The following NPAS3 variants were observed in gnomAD, a reference collection of about 807,000 sequenced individuals.
The protein encoded by NPAS3 is neuronal PAS domain protein 3.
A neutral mutation model predicts 73.1 loss-of-function variants in NPAS3; 14 were observed. The observed-to-expected ratio is 0.19, with a 90% CI of 0.13 to 0.30. The LOEUF is 0.30. Ranked by LOEUF, NPAS3 falls within the 10% of genes least tolerant of loss-of-function variation. The pLI is 1.00. For synonymous variants in NPAS3, 620 were observed against 541.5 expected, an observed-to-expected ratio of 1.14 and a Z score of -2.01; for missense variants, 1,096 against 1,250.0, an observed-to-expected ratio of 0.88 and a Z score of 1.86.
chr14:33,726,992 C>T (rs574320064), intron 6 of NPAS3, among the ~76,000 whole-genome samples: 15 of 152,228 alleles, frequency 9.9e-5, no homozygotes, highest in South Asian at 2.1e-4. Context: ...CCTCATCACA[C>T]GGTATTGTAG....
intron 3 of NPAS3, among the ~76,000 whole-genome samples, chr14:33,346,135 G>A (rs2044716800): frequency 1.3e-5 from 2 of 151,386 alleles, no homozygotes; most frequent in African/African-American, 4.9e-5. Flanking sequence ...GGAGGCAGGA[G>A]AATTGCTTGA....
At chr14:33,205,815 C>T (rs1262500982) in intron 2 of NPAS3, among the ~76,000 whole-genome samples, 3 of 152,116 alleles carry the variant, frequency 2.0e-5, no homozygotes, top group Non-Finnish European at 2.9e-5. Flanking sequence ...ACGCTTTCTC[C>T]CTTCCAAATG....
chr14:33,740,942 G>T (rs1416347459), intron 7 of NPAS3, among the ~76,000 whole-genome samples: 1 of 152,078 alleles, frequency 6.6e-6, no homozygotes, highest in African/African-American at 2.4e-5. Context: ...GGATTGCTAA[G>T]AATATGTGAC....
upstream of NPAS3, among the ~76,000 whole-genome samples, chr14:32,937,024 A>G (rs2035717841): frequency 6.6e-6 from 1 of 151,150 alleles, no homozygotes; most frequent in African/African-American, 2.4e-5. Flanking sequence ...AGAAGAGAAG[A>G]TGATAGCTGT....
chr14:33,252,039 G>T (rs2048601692), intron 3 of NPAS3, among the ~76,000 whole-genome samples: 1 of 131,646 alleles, frequency 7.6e-6, no homozygotes, highest in South Asian at 2.8e-4. Context: ...TTTCGTGGGT[G>T]TTTGCGTGTG....
intron 2 of NPAS3, among the ~76,000 whole-genome samples, chr14:33,165,030 G>T (rs2045071159): frequency 6.6e-6 from 1 of 152,084 alleles, no homozygotes; most frequent in Non-Finnish European, 1.5e-5. Context: ...TCTATGAAAG[G>T]TGTAAGAGAG....
At chr14:33,668,671 A>T (rs2059525131) in intron 5 of NPAS3, among the ~76,000 whole-genome samples, 1 of 152,126 alleles carries the variant, frequency 6.6e-6, no homozygotes, top group South Asian at 2.1e-4. Context: ...CAAAAAAATT[A>T]GCCAGGCACA....
chr14:33,322,510 GTGTGTGTA>G (rs1482756288), intron 3 of NPAS3, among the ~76,000 whole-genome samples: 1 of 144,836 alleles, frequency 6.9e-6, no homozygotes, highest in East Asian at 1.9e-4. Context: ...ACACATTTGT[GTGTGTGTA>G]TGTGTGTGTG....
intron 4 of NPAS3, among the ~76,000 whole-genome samples, chr14:33,445,248 A>G (rs185281235): frequency 1.1e-3 from 162 of 152,258 alleles, no homozygotes; most frequent in African/African-American, 3.6e-3. Context: ...ATTCTCCTTT[A>G]TGCTAATATT....
chr14:33,741,954 T>A (rs1367033978), intron 7 of NPAS3, among the ~76,000 whole-genome samples: 1 of 152,150 alleles, frequency 6.6e-6, no homozygotes, highest in Non-Finnish European at 1.5e-5. Flanking sequence ...TATGTATATG[T>A]ATGTACATAT....
intron 3 of NPAS3, among the ~76,000 whole-genome samples, chr14:33,283,670 A>G (rs2041724126): frequency 6.6e-6 from 1 of 152,188 alleles, no homozygotes; most frequent in African/African-American, 2.4e-5. Flanking sequence ...TTGGTCCATT[A>G]GAGAATTTCT....
At chr14:33,368,660 C>T (rs2045946624) in intron 4 of NPAS3, among the ~76,000 whole-genome samples, 1 of 152,166 alleles carries the variant, frequency 6.6e-6, no homozygotes, top group African/African-American at 2.4e-5. Flanking sequence ...TCTTGAAATA[C>T]ACCTTGGGAG....
intron 3 of NPAS3, among the ~76,000 whole-genome samples, chr14:33,229,218 T>A (rs2047750813): frequency 1.3e-5 from 2 of 152,222 alleles, no homozygotes; most frequent in Non-Finnish European, 2.9e-5. Flanking sequence ...CATACCATAC[T>A]TATAAACAAG....
intron 4 of NPAS3, among the ~76,000 whole-genome samples, chr14:33,396,782 ATG>A (rs1353735312): frequency 6.6e-6 from 1 of 152,100 alleles, no homozygotes; most frequent in Non-Finnish European, 1.5e-5. Flanking sequence ...TTATGTGTAT[ATG>A]TGTTATGTGA....
intron 4 of NPAS3, among the ~76,000 whole-genome samples, chr14:33,450,044 C>G (rs1322385623): frequency 6.6e-6 from 1 of 152,168 alleles, no homozygotes; most frequent in Non-Finnish European, 1.5e-5. Context: ...TCTGTAGAAA[C>G]TTACTCGGCA....
chr14:33,356,908 A>G (rs1458688997), intron 3 of NPAS3, among the ~76,000 whole-genome samples: 2 of 152,210 alleles, frequency 1.3e-5, no homozygotes, highest in African/African-American at 4.8e-5. Flanking sequence ...AATTCATTGT[A>G]TGGTGGTGAA....
intron 2 of NPAS3, among the ~76,000 whole-genome samples, chr14:33,083,032 C>T (rs1199631509): frequency 6.6e-6 from 1 of 151,568 alleles, no homozygotes; most frequent in Non-Finnish European, 1.5e-5. Flanking sequence ...AAACACAAAA[C>T]ATTAGCCAGG....
At chr14:33,618,975 T>C (rs2058003348) in intron 5 of NPAS3, among the ~76,000 whole-genome samples, 1 of 152,246 alleles carries the variant, frequency 6.6e-6, no homozygotes, top group Non-Finnish European at 1.5e-5. Context: ...ATTGGTTCTC[T>C]AGTCTGCTGG....
At chr14:33,051,272 C>T (rs1234968282) in intron 1 of NPAS3, among the ~76,000 whole-genome samples, 1 of 76,166 alleles carries the variant, frequency 1.3e-5, no homozygotes, top group Non-Finnish European at 2.2e-5. Context: ...CAGAGCGAGA[C>T]TCCGTCTCAA....
Sources: gnomAD v4.1 joint callset for allele counts (sites outside exome capture counted in the v4.1 genomes callset) on GRCh38, gnomAD v4.1.1 for gene constraint, MANE v1.5 for transcripts, NCBI Gene and HGNC (gene_info 2026-07-23, HGNC 2026-07-21) for gene names.